Variants in TOM1L2 observed in about 807,000 individuals in gnomAD.
TOM1L2 encodes the protein TOM1-like protein 2.
Under a neutral mutation model 67.9 loss-of-function variants are expected in TOM1L2, and 31 were observed. The ratio of observed to expected loss-of-function variants is 0.46; its 90% CI spans 0.34 to 0.62. TOM1L2 has a LOEUF of 0.62. Ranked by LOEUF, TOM1L2 falls within the 20% of genes least tolerant of loss-of-function variation. TOM1L2 has a pLI of 0.01. For synonymous variants in TOM1L2, 256 were observed against 254.0 expected, an observed-to-expected ratio of 1.01 and a Z score of -0.07; for missense variants, 606 against 663.5, an observed-to-expected ratio of 0.91 and a Z score of 0.95.
chr17:17,858,226 A>ATTCTT (rs2036351788), intron 12 of TOM1L2: 1 of 156,448 alleles, frequency 6.4e-6, no homozygotes, highest in African/African-American at 2.5e-5. Flanking sequence ...TTTTTCCTAC[A>ATTCTT]TTTTTTTTTT....
chr17:17,886,214 A>G (rs1417481349), intron 4 of TOM1L2, among the ~76,000 whole-genome samples: 2 of 152,244 alleles, frequency 1.3e-5, no homozygotes, highest in Non-Finnish European at 1.5e-5. Context: ...TTAAAAGGTC[A>G]GTTTCCAAAA....
chr17:17,912,533 C>G (rs562127796), intron 1 of TOM1L2, among the ~76,000 whole-genome samples: 96 of 151,768 alleles, frequency 6.3e-4, no homozygotes, highest in South Asian at 2.3e-3. Context: ...AGAGGCGCTC[C>G]TCACATCCCA....
intron 7 of TOM1L2, among the ~76,000 whole-genome samples, chr17:17,876,294 G>A (rs2054385804): frequency 1.3e-5 from 2 of 152,180 alleles, no homozygotes; most frequent in Admixed American, 6.5e-5. Context: ...ACCACCAGAT[G>A]AGAAGTGACG....
At position 17,970,226 on chromosome 17, in the gene TOM1L2, C is replaced by CTT. The variant is rs112968102; in HGVS notation, c.52+2034_52+2035dup. Reference sequence around the variant, plus strand: ...CATGCCACCACGCCTGGCTAATTTTCTTTTTTTTTTTGGATTTTTAGTAGA... The same window carrying CTT: ...CATGCCACCACGCCTGGCTAATTTTCTTTTTTTTTTTTTGGATTTTTAGTAGA... On this transcript the variant is annotated intron_variant, in intron 1 of 14. Coordinates refer to ENST00000379504, the MANE Select transcript of TOM1L2 (RefSeq NM_001082968.2). Among the ~76,000 whole-genome samples the CTT allele has an allele frequency of 1.1e-3, 155 of 144,778 alleles. 1 individual carries two copies. Among genetic ancestry groups the CTT allele is most frequent in the African/African-American group, 3.6e-3 (144 of 39,740 alleles). 95.0% of individuals were successfully genotyped at this position (144,778 alleles called of 152,430 possible).
rs1306289046 is a variant in TOM1L2 at position 17,882,732 on chromosome 17, A to G, written c.633T>C (p.Thr211=). ...SAPQAPALSV[T]GPITANSEQI... is the part of the protein sequence containing the mutation. ...GTTCTGAATTGGCTGTGATGGGGCC[A>G]GTCACACTCAGAGCTGGGGCCTGCG... The change falls in exon 6 of 15, where the codon ACT becomes ACC. Residue 211 remains threonine, a synonymous_variant. Transcript: ENST00000379504. 1 of 1,614,098 alleles carries G rather than the reference A, an allele frequency of 6.2e-7. No homozygotes were observed. Among genetic ancestry groups the G allele is most frequent in the African/African-American group, 1.3e-5 (1 of 74,950 alleles).
At chr17:17,888,832 C>A (rs1016327748) in intron 4 of TOM1L2, among the ~76,000 whole-genome samples, 2 of 152,234 alleles carry the variant, frequency 1.3e-5, no homozygotes, top group South Asian at 4.1e-4. Flanking sequence ...TGGGAGCATC[C>A]TTTTTGTCTT....
chr17:17,955,049 G>T (rs2041370824), intron 1 of TOM1L2, among the ~76,000 whole-genome samples: 1 of 152,100 alleles, frequency 6.6e-6, no homozygotes, highest in African/African-American at 2.4e-5. Context: ...CATCTCATGG[G>T]CACCTTGTCA....
Position 17,923,630 on chromosome 17 carries a change from C to G in TOM1L2, c.53-16099G>C, listed in dbSNP as rs1172391497. Among the ~76,000 whole-genome samples the G allele has an allele frequency of 2.0e-5, 3 of 151,986 alleles. No homozygotes were observed. The East Asian group carries it at 5.8e-4, about 29-fold the overall frequency. The stretch of plus-strand genomic sequence containing the variant: ...ACTTGAGGCTAGGAGGTCAAGGCTA[C>G]AGTGAGTCGTGATCGCACCACTGCA... On this transcript the variant is annotated intron_variant, in intron 1 of 14. Coordinates refer to ENST00000379504, the MANE Select transcript of TOM1L2 (RefSeq NM_001082968.2).
chr17:17,884,445 T>C (rs2037886666), intron 5 of TOM1L2, among the ~76,000 whole-genome samples, 189 bp downstream of exon 5: 1 of 152,176 alleles, frequency 6.6e-6, no homozygotes, highest in South Asian at 2.1e-4. Flanking sequence ...CTGCTGCCAC[T>C]TAATCACCAG....
At chr17:17,945,311 C>CT (rs1436787193) in intron 1 of TOM1L2, among the ~76,000 whole-genome samples, 1 of 151,834 alleles carries the variant, frequency 6.6e-6, no homozygotes, top group Non-Finnish European at 1.5e-5. Context: ...CTCTCTCTCT[C>CT]ATTCCTTGAT....
chr17:17,880,814 G>T (rs573500823), intron 6 of TOM1L2, among the ~76,000 whole-genome samples: 15 of 152,160 alleles, frequency 9.9e-5, no homozygotes, highest in Non-Finnish European at 1.9e-4. Flanking sequence ...ACACACATAC[G>T]GCCCTTGTTC....
At chr17:17,918,063 T>G (rs1252700154) in intron 1 of TOM1L2, among the ~76,000 whole-genome samples, 1 of 152,166 alleles carries the variant, frequency 6.6e-6, no homozygotes, top group East Asian at 1.9e-4. Context: ...GGTGCACAAT[T>G]TTTTGCTGCC....
chr17:17,944,573 G>A (rs930921810), intron 1 of TOM1L2, among the ~76,000 whole-genome samples: 1 of 152,232 alleles, frequency 6.6e-6, no homozygotes, highest in Non-Finnish European at 1.5e-5. Flanking sequence ...CTGCTCTTGG[G>A]TGGGGAAAGA....
At chr17:17,933,576 A>C (rs1190265691) in intron 1 of TOM1L2, among the ~76,000 whole-genome samples, 1 of 152,122 alleles carries the variant, frequency 6.6e-6, no homozygotes, top group Non-Finnish European at 1.5e-5. Flanking sequence ...CAAGCTCCCC[A>C]GGAGGTTCTG....
chr17:17,905,009 G>T (rs1183616218), intron 2 of TOM1L2, among the ~76,000 whole-genome samples: 4 of 152,300 alleles, frequency 2.6e-5, no homozygotes, highest in Admixed American at 2.6e-4. Flanking sequence ...CACCCCTGGG[G>T]GTCAGTAAAC....
At chr17:17,861,384 C>T (rs2036551091) in intron 12 of TOM1L2, 92 bp downstream of exon 12, 2 of 1,281,444 alleles carry the variant, frequency 1.6e-6, no homozygotes. Flanking sequence ...CTGTGCAAGC[C>T]AGTTTCTGCT....
intron 1 of TOM1L2, among the ~76,000 whole-genome samples, chr17:17,922,788 A>T (rs1478309612): frequency 1.3e-5 from 2 of 152,224 alleles, no homozygotes; most frequent in East Asian, 3.8e-4. Flanking sequence ...TATTCTGTGG[A>T]CTGCATCTCA....
intron 10 of TOM1L2, 45 bp from the exon 11 acceptor site, chr17:17,862,893 G>A: frequency 7.3e-7 from 1 of 1,364,764 alleles, no homozygotes; most frequent in Non-Finnish European, 1.0e-6. Context: ...ACAAAATGTA[G>A]ACTGTAGATC....
intron 1 of TOM1L2, among the ~76,000 whole-genome samples, chr17:17,934,970 T>C (rs1286280373): frequency 6.6e-6 from 1 of 152,248 alleles, no homozygotes; most frequent in African/African-American, 2.4e-5. Flanking sequence ...TCAGCTATCC[T>C]GCACATAGCA....
Sources: gnomAD v4.1 joint callset for allele counts (sites outside exome capture counted in the v4.1 genomes callset) on GRCh38, gnomAD v4.1.1 for gene constraint, MANE v1.5 for transcripts, NCBI Gene and HGNC (gene_info 2026-07-23, HGNC 2026-07-21) for gene names.